GTPBP10: variants seen among roughly 807,000 people sequenced by gnomAD.
GTPBP10 encodes the protein GTP binding protein 10, also known as GTP-binding protein 10.
In GTPBP10, 38 loss-of-function variants were observed where a neutral mutation model predicts 44.8. That is an observed-to-expected ratio of 0.85 (90% CI 0.65 to 1.11). GTPBP10 has a LOEUF of 1.11. Ranked by LOEUF, GTPBP10 falls within the 50% of genes most tolerant of loss-of-function variation. The probability of loss-of-function intolerance (pLI) is 0.00; values close to 1 mark genes in which losing one functional copy is unlikely to be tolerated. For missense variants in GTPBP10, 462 were observed against 453.7 expected (o/e 1.02, Z -0.17); for synonymous variants, 152 against 150.6 (o/e 1.01, Z -0.07).
At chr7:90,358,434 G>C (rs1434660300) in intron 4 of GTPBP10, among the ~76,000 whole-genome samples, 2 of 152,064 alleles carry the variant, frequency 1.3e-5, no homozygotes, top group Non-Finnish European at 2.9e-5. Flanking sequence ...TAGACCAATG[G>C]AACAGAATAG....
At chr7:90,349,250 A>G (rs918828236) in intron 1 of GTPBP10, among the ~76,000 whole-genome samples, 9 of 152,028 alleles carry the variant, frequency 5.9e-5, no homozygotes, top group African/African-American at 2.2e-4. Context: ...AGTTTTCTCT[A>G]TTAGTGTTCT....
At position 90,389,755 on chromosome 7, in the gene GTPBP10, CTT is replaced by C. The variant is rs1245256901; in HGVS notation, c.*4607_*4608del. The C allele has an allele frequency of 6.6e-6, 1 of 152,010 alleles. No homozygotes were observed. Among genetic ancestry groups the C allele is most frequent in the Non-Finnish European group, 1.5e-5 (1 of 68,006 alleles). 9.4% of individuals were successfully genotyped at this position (152,010 alleles called of 1,614,324 possible). A position where few individuals can be genotyped will look rare whatever the true frequency, so the allele number is the denominator to read the frequency against. On this transcript the variant is annotated 3_prime_UTR_variant, in exon 10 of 10. Transcript: ENST00000222511. ...AAGTTAAGCAGTGAAAAATAAACAT[CTT>C]TTTTTCTTAAAGAGATATTTCATAT... is the stretch of plus-strand genomic sequence containing the variant.
chr7:90,364,859 C>T (rs559226330), intron 4 of GTPBP10, among the ~76,000 whole-genome samples: 1 of 152,306 alleles, frequency 6.6e-6, no homozygotes, highest in African/African-American at 2.4e-5. Flanking sequence ...TCACTGCCGC[C>T]TTGCAGTTCG....
At chr7:90,378,943 T>C (rs1796391371) in intron 8 of GTPBP10, among the ~76,000 whole-genome samples, 1 of 152,178 alleles carries the variant, frequency 6.6e-6, no homozygotes, top group Non-Finnish European at 1.5e-5. Context: ...CCACAGGTAA[T>C]CCACCCACCT....
chr7:90,362,843 A>G (rs1796053857), intron 4 of GTPBP10, among the ~76,000 whole-genome samples: 2 of 152,146 alleles, frequency 1.3e-5, no homozygotes, highest in Non-Finnish European at 2.9e-5. Context: ...TGTATTTAGG[A>G]TAGTTAGCTC....
At chr7:90,354,071 A>C (rs1224219521) in intron 2 of GTPBP10, among the ~76,000 whole-genome samples, 1 of 151,924 alleles carries the variant, frequency 6.6e-6, no homozygotes, top group South Asian at 2.1e-4. Context: ...TGGACTCAAG[A>C]GATCCTCCTG....
Position 90,353,005 on chromosome 7 carries a change from A to C in GTPBP10, c.223A>C (p.Ser75Arg). 6.4e-7 allele frequency: 1 copy of C among 1,573,654 alleles called. No homozygotes were observed. The highest frequency in any genetic ancestry group is 8.6e-7 in the Non-Finnish European group (1 of 1,156,452). ...GTTTGTGGCTGGAGTAGGAGCAAAC[A>C]GCAAGTAAGTAATTACTGAATGACT... ...KRFVAGVGAN[S>R]KISALKGSKG... Residue 75 changes from serine (S) to arginine (R), a missense_variant, in exon 2 of 10, where the codon AGC becomes CGC. Ser to Arg is a moderately radical substitution (Grantham distance 110). Coordinates refer to ENST00000222511, the MANE Select transcript of GTPBP10 (RefSeq NM_033107.4).
rs59645149 is a variant in GTPBP10 at position 90,365,368 on chromosome 7, C to CTTTTTTT, written c.465-6768_465-6762dup. On this transcript the variant is annotated intron_variant, in intron 4 of 9. Coordinates refer to ENST00000222511, the MANE Select transcript of GTPBP10 (RefSeq NM_033107.4). ...TTTTGGACTGAGACTTTGGGGTTTT[C>CTTTTTTT]TTTTTTTTTTTTTTTTTTTTTTTTT... 1.3e-3 allele frequency among the ~76,000 whole-genome samples: 117 copies of CTTTTTTT among 90,360 alleles called. 3 individuals are homozygous for CTTTTTTT. The highest frequency in any genetic ancestry group is 1.7e-3 in the Non-Finnish European group (84 of 48,924). The allele number at this position is 90,360 out of a possible 152,430, so 59.3% of individuals were successfully genotyped here.
At chr7:90,370,367 TA>T (rs772398759) in intron 4 of GTPBP10, among the ~76,000 whole-genome samples, 1 of 151,988 alleles carries the variant, frequency 6.6e-6, no homozygotes, top group Non-Finnish European at 1.5e-5. Context: ...TGTATCTATA[TA>T]TACACACACA....
At chr7:90,357,307 A>G (rs1795922659) in intron 4 of GTPBP10, among the ~76,000 whole-genome samples, 1 of 152,158 alleles carries the variant, frequency 6.6e-6, no homozygotes, top group African/African-American at 2.4e-5. Context: ...TTATGAAAAT[A>G]TGAGGATGTT....
chr7:90,366,905 C>G (rs1455432404), intron 4 of GTPBP10, among the ~76,000 whole-genome samples: 1 of 152,126 alleles, frequency 6.6e-6, no homozygotes, highest in East Asian at 1.9e-4. Context: ...ATCCTTCCTG[C>G]TTTCTCTTGT....
At chr7:90,365,992 GA>G (rs1796127250) in intron 4 of GTPBP10, among the ~76,000 whole-genome samples, 1 of 152,114 alleles carries the variant, frequency 6.6e-6, no homozygotes, top group Non-Finnish European at 1.5e-5. Context: ...GAATTTTCTC[GA>G]AGGCCTTTTC....
intron 1 of GTPBP10, among the ~76,000 whole-genome samples, chr7:90,352,129 A>G (rs188293457): frequency 2.0e-5 from 3 of 152,346 alleles, no homozygotes; most frequent in Admixed American, 6.5e-5. Flanking sequence ...CACTGAAAGG[A>G]GCTCATGTGG....
intron 4 of GTPBP10, among the ~76,000 whole-genome samples, chr7:90,370,933 G>A (rs562433995): frequency 2.3e-4 from 35 of 152,062 alleles, no homozygotes; most frequent in African/African-American, 8.0e-4. Flanking sequence ...CGTGAACCGG[G>A]AGGTGGAGCT....
At chr7:90,379,302 G>A (rs901069898) in intron 8 of GTPBP10, among the ~76,000 whole-genome samples, 2 of 152,018 alleles carry the variant, frequency 1.3e-5, no homozygotes, top group African/African-American at 4.8e-5. Flanking sequence ...CCTGTGTCCT[G>A]CCTTGCTTCT....
Position 90,386,757 on chromosome 7 carries a change from C to G in GTPBP10, c.*1603C>G, listed in dbSNP as rs1234658925. On this transcript the variant is annotated 3_prime_UTR_variant, in exon 10 of 10. Transcript: ENST00000222511. ...GAGATTGCAATTTCTAAGTTTCTAC[C>G]TGAGTGTTTCACAAATACAAACTGG... The G allele has an allele frequency of 1.3e-5, 2 of 152,248 alleles. No homozygotes were observed. The highest frequency in any genetic ancestry group is 6.5e-5 in the Admixed American group (1 of 15,286). 9.4% of individuals were successfully genotyped at this position (152,248 alleles called of 1,614,324 possible). A position where few individuals can be genotyped will look rare whatever the true frequency, so the allele number is the denominator to read the frequency against.
Position 90,386,346 on chromosome 7 carries a change from A to G in GTPBP10, c.*1192A>G, listed in dbSNP as rs1036780818. 6.6e-6 allele frequency: 1 copy of G among 152,206 alleles called. No homozygotes were observed. The highest frequency in any genetic ancestry group is 6.5e-5 in the Admixed American group (1 of 15,280). 9.4% of individuals were successfully genotyped at this position (152,206 alleles called of 1,614,324 possible). A position where few individuals can be genotyped will look rare whatever the true frequency, so the allele number is the denominator to read the frequency against. On this transcript the variant is annotated 3_prime_UTR_variant, in exon 10 of 10. Coordinates refer to ENST00000222511, the MANE Select transcript of GTPBP10 (RefSeq NM_033107.4). ...CAATGATAGTAAAGATATGACAGAA[A>G]CTAGAAGATAGCTGTTTATGATTTG...
At chr7:90,358,167 A>G (rs934565188) in intron 4 of GTPBP10, among the ~76,000 whole-genome samples, 7 of 152,164 alleles carry the variant, frequency 4.6e-5, no homozygotes, top group African/African-American at 1.7e-4. Flanking sequence ...TAAATCAAGA[A>G]CTCAATCCCT....
intron 1 of GTPBP10, among the ~76,000 whole-genome samples, chr7:90,347,076 G>T (rs527366319): frequency 8.6e-5 from 13 of 151,906 alleles, no homozygotes; most frequent in South Asian, 2.1e-4. Context: ...TGTTGTGGTG[G>T]TTTTTTTTCC....
Sources: allele counts gnomAD v4.1 joint callset (sites outside exome capture counted in the v4.1 genomes callset), GRCh38; gene constraint gnomAD v4.1.1; transcripts MANE v1.5; gene names NCBI Gene and HGNC (gene_info 2026-07-23, HGNC 2026-07-21).